The following SOX6 variants were observed in gnomAD, a reference collection of about 807,000 sequenced individuals.
SOX6 encodes SRY-box transcription factor 6, also known as transcription factor SOX-6.
In SOX6, 11 loss-of-function variants were observed where a neutral mutation model predicts 97.8. The ratio of observed to expected loss-of-function variants is 0.11; its 90% CI spans 0.07 to 0.19. The LOEUF is 0.19. SOX6 is among the 10% of genes least tolerant of loss of function. The probability of loss-of-function intolerance (pLI) is 1.00; values close to 1 mark genes in which losing one functional copy is unlikely to be tolerated. For synonymous variants in SOX6, 360 were observed against 371.4 expected, an observed-to-expected ratio of 0.97 and a Z score of 0.35; for missense variants, 810 against 1,039.5, an observed-to-expected ratio of 0.78 and a Z score of 3.04.
intron 13 of SOX6, among the ~76,000 whole-genome samples, chr11:16,005,823 T>C (rs190477298): frequency 1.7e-4 from 26 of 152,196 alleles, no homozygotes; most frequent in East Asian, 7.7e-4. Context: ...CAGAGTTACA[T>C]GCCATAGCCT....
At chr11:16,581,733 G>T (rs1848034224) in intron 4 of SOX6, among the ~76,000 whole-genome samples, 1 of 152,106 alleles carries the variant, frequency 6.6e-6, no homozygotes, top group Non-Finnish European at 1.5e-5. Flanking sequence ...GGAGACCGAG[G>T]TGGGTGGATC....
At chr11:16,515,179 C>T (rs1279038211) in intron 4 of SOX6, among the ~76,000 whole-genome samples, 1 of 151,598 alleles carries the variant, frequency 6.6e-6, no homozygotes, top group Non-Finnish European at 1.5e-5. Flanking sequence ...TAAAAGTGTT[C>T]CTATTTCTCC....
At chr11:16,425,511 A>G (rs183206496) in intron 1 of SOX6, among the ~76,000 whole-genome samples, 25 of 152,348 alleles carry the variant, frequency 1.6e-4, no homozygotes, top group African/African-American at 5.8e-4. Context: ...AAATAGGAAG[A>G]GAGGAAGTCA....
At chr11:16,518,277 C>G (rs1403834503) in intron 4 of SOX6, among the ~76,000 whole-genome samples, 2 of 152,102 alleles carry the variant, frequency 1.3e-5, no homozygotes, top group Non-Finnish European at 2.9e-5. Context: ...TATTTATGTT[C>G]CTTCCTCAAA....
intron 8 of SOX6, 132 bp downstream of exon 8, chr11:16,097,477 A>G: frequency 1.3e-6 from 1 of 764,752 alleles, no homozygotes; most frequent in Non-Finnish European, 2.3e-6. Flanking sequence ...ATAAGCAAAT[A>G]AGGTGTTAAT....
intron 4 of SOX6, 26 bp from the exon 5 acceptor site, chr11:16,186,981 C>T: frequency 6.2e-7 from 1 of 1,613,308 alleles, no homozygotes; most frequent in Non-Finnish European, 8.5e-7. Context: ...GAAGAGATCT[C>T]ACAAGCTTGA....
intron 6 of SOX6, among the ~76,000 whole-genome samples, chr11:16,148,545 T>C (rs1850375075): frequency 6.6e-6 from 1 of 152,104 alleles, no homozygotes. Flanking sequence ...AAATGGGCCA[T>C]TCATTGTGTT....
At chr11:16,431,781 C>T (rs1186062566) in intron 1 of SOX6, among the ~76,000 whole-genome samples, 1 of 152,008 alleles carries the variant, frequency 6.6e-6, no homozygotes, top group African/African-American at 2.4e-5. Context: ...AAGTATTTGT[C>T]ATAGATAACT....
At chr11:16,594,781 G>C (rs1404741795) in intron 4 of SOX6, among the ~76,000 whole-genome samples, 9 of 128,132 alleles carry the variant, frequency 7.0e-5, no homozygotes, top group Non-Finnish European at 6.3e-5. Context: ...AGCTCCGCCT[G>C]CCGGGTTCAC....
At chr11:16,301,910 G>A (rs969408355) in intron 3 of SOX6, among the ~76,000 whole-genome samples, 2 of 152,076 alleles carry the variant, frequency 1.3e-5, no homozygotes, top group African/African-American at 4.8e-5. Context: ...CTCAAACTTG[G>A]TATATCTAAA....
At chr11:16,524,747 C>G (rs940148391) in intron 4 of SOX6, among the ~76,000 whole-genome samples, 4 of 152,160 alleles carry the variant, frequency 2.6e-5, no homozygotes, top group African/African-American at 9.7e-5. Context: ...TGTCTCAGCC[C>G]AAAATCTCCT....
At chr11:16,622,472 T>G (rs550285709) in intron 3 of SOX6, among the ~76,000 whole-genome samples, 1 of 152,298 alleles carries the variant, frequency 6.6e-6, no homozygotes, top group Admixed American at 6.5e-5. Context: ...TTTTATGTCT[T>G]TGCATCCTCA....
At chr11:16,386,990 A>G (rs1847314) in intron 1 of SOX6, among the ~76,000 whole-genome samples, 116,889 of 152,056 alleles carry the variant, frequency 0.77, 45,251 homozygotes, top group Admixed American at 0.81. Context: ...GGTAAAAGGC[A>G]TTCATTAATA....
At chr11:16,240,296 G>GTGTA (rs1181525802) in intron 3 of SOX6, among the ~76,000 whole-genome samples, 3 of 150,900 alleles carry the variant, frequency 2.0e-5, no homozygotes, top group Non-Finnish European at 4.4e-5. Flanking sequence ...GTGTGTGTGT[G>GTGTA]TGTGTGTGTG....
intron 1 of SOX6, among the ~76,000 whole-genome samples, chr11:16,418,498 A>G (rs1294086396): frequency 6.6e-6 from 1 of 152,192 alleles, no homozygotes; most frequent in African/African-American, 2.4e-5. Context: ...GAATATAACA[A>G]TTAGCCTTAA....
chr11:16,039,276 G>T (rs746771377), intron 12 of SOX6, among the ~76,000 whole-genome samples: 1 of 152,002 alleles, frequency 6.6e-6, no homozygotes, highest in Non-Finnish European at 1.5e-5. Flanking sequence ...AACACAAATA[G>T]TACAACTGTA....
chr11:16,117,237 C>A (rs2134001979), intron 6 of SOX6, among the ~76,000 whole-genome samples: 1 of 152,172 alleles, frequency 6.6e-6, no homozygotes. Context: ...CCTGTAGTCC[C>A]AGCTGCTCGG....
chr11:16,489,986 A>T (rs901285707), intron 4 of SOX6, among the ~76,000 whole-genome samples: 8 of 152,116 alleles, frequency 5.3e-5, no homozygotes, highest in Non-Finnish European at 7.4e-5. Context: ...CTACCTTAAA[A>T]GATTTTTAGG....
chr11:16,351,678 T>C (rs915562024), intron 1 of SOX6, among the ~76,000 whole-genome samples: 7 of 152,124 alleles, frequency 4.6e-5, no homozygotes, highest in Non-Finnish European at 8.8e-5. Flanking sequence ...TGTCTCTCCC[T>C]ATTTTCCTCA....
Sources: gnomAD v4.1 joint callset for allele counts (sites outside exome capture counted in the v4.1 genomes callset) on GRCh38, gnomAD v4.1.1 for gene constraint, MANE v1.5 for transcripts, NCBI Gene and HGNC (gene_info 2026-07-23, HGNC 2026-07-21) for gene names.